The following C10orf143 variants were observed in gnomAD, a reference collection of about 807,000 sequenced individuals.
C10orf143 encodes the protein uncharacterized protein C10orf143.
At chr10:130,062,382 C>T (rs951109119), downstream of C10orf143, among the ~76,000 whole-genome samples, 5 of 152,108 alleles carry the variant, frequency 3.3e-5, no homozygotes, top group African/African-American at 1.2e-4. Flanking sequence ...GGCGGACTCA[C>T]CCTCAATCTG....
chr10:130,036,357 C>T (rs1438238715), intron 3 of C10orf143, among the ~76,000 whole-genome samples: 2 of 152,184 alleles, frequency 1.3e-5, no homozygotes, highest in African/African-American at 4.8e-5. Context: ...AGACCTCAGG[C>T]CCTCCTGTCA....
chr10:130,048,637 C>T (rs976488660), intron 3 of C10orf143, among the ~76,000 whole-genome samples: 3 of 152,322 alleles, frequency 2.0e-5, no homozygotes, highest in African/African-American at 7.2e-5. Flanking sequence ...GCTACAAAAG[C>T]TCCAGATACT....
intron 1 of C10orf143, chr10:130,106,610 G>T: frequency 7.1e-7 from 1 of 1,408,964 alleles, no homozygotes; most frequent in Non-Finnish European, 1.0e-6. Flanking sequence ...ACAAGTAGCT[G>T]AAGCCAAAAT....
At chr10:130,046,620 C>G (rs1251950382) in intron 3 of C10orf143, among the ~76,000 whole-genome samples, 1 of 152,312 alleles carries the variant, frequency 6.6e-6, no homozygotes, top group East Asian at 1.9e-4. Context: ...GTGGTGGTCT[C>G]TCCGGGGAAA....
intron 1 of C10orf143, among the ~76,000 whole-genome samples, chr10:130,092,165 GA>G (rs1223675068): frequency 1.3e-5 from 2 of 152,218 alleles, no homozygotes; most frequent in African/African-American, 4.8e-5. Flanking sequence ...CAGCCAGAGA[GA>G]AAGGTTGGGT....
chr10:130,092,272 A>G (rs1861394695), intron 1 of C10orf143, among the ~76,000 whole-genome samples: 3 of 152,198 alleles, frequency 2.0e-5, no homozygotes. Flanking sequence ...AACATTCTTA[A>G]AGAAAAGAAT....
In C10orf143 at chr10:130,056,183, T is replaced by G. The variant is rs1347503896; in HGVS notation, c.298-20213A>C. ...AATCTTGTTTGTCCTGATTTAGGGC[T>G]GAAAACATCACCGTGTATTTAGTAA... On this transcript the variant is annotated intron_variant and NMD_transcript_variant, in intron 3 of 5. Coordinates refer to the C10orf143 transcript ENST00000643056. This position sits in a 1 kb window ranked among gnomAD's most constrained non-coding sequence, Gnocchi z 4.6. 1.3e-5 allele frequency among the ~76,000 whole-genome samples: 2 copies of G among 152,190 alleles called. No individual in the cohort carries two copies. The highest frequency in any genetic ancestry group is 4.8e-5 in the African/African-American group (2 of 41,434).
chr10:130,099,171 G>A (rs887069831), intron 1 of C10orf143, among the ~76,000 whole-genome samples: 1 of 151,968 alleles, frequency 6.6e-6, no homozygotes, highest in African/African-American at 2.4e-5. Flanking sequence ...AACCAAAGAT[G>A]AATTATCATT....
chr10:130,103,047 C>G (rs1250873587), intron 1 of C10orf143, among the ~76,000 whole-genome samples: 1 of 151,398 alleles, frequency 6.6e-6, no homozygotes, highest in African/African-American at 2.4e-5. Flanking sequence ...GGTGCGATCT[C>G]GGCTCACTGC....
intron 3 of C10orf143, among the ~76,000 whole-genome samples, chr10:130,044,533 G>A (rs775450717): frequency 1.6e-4 from 24 of 152,206 alleles, no homozygotes; most frequent in Non-Finnish European, 3.4e-4. Flanking sequence ...GAGGAAGGGG[G>A]TTTCATTGAG....
chr10:130,098,015 C>CT (rs1861489367), intron 1 of C10orf143, among the ~76,000 whole-genome samples: 1 of 96,378 alleles, frequency 1.0e-5, no homozygotes, highest in South Asian at 3.1e-4. Flanking sequence ...TAATTACACA[C>CT]TTAAAAAAAA....
rs558879838 is a variant in C10orf143 at position 130,102,880 on chromosome 10, T to C, written c.69+7824A>G. 1.2e-4 allele frequency among the ~76,000 whole-genome samples: 18 copies of C among 152,330 alleles called. No individual in the cohort carries two copies. The East Asian group carries it at 3.3e-3, about 28-fold the overall frequency. ...TAATATAGCAACTCCACCTTTCTTC[T>C]GGTCAGTGTTAGCGTGATTTTTTTT... On this transcript the variant is annotated intron_variant, in intron 1 of 3. Coordinates refer to ENST00000637128, the MANE Select transcript of C10orf143 (RefSeq NM_001355042.2).
At chr10:130,053,462 T>C (rs1347676369) in intron 3 of C10orf143, among the ~76,000 whole-genome samples, 2 of 152,198 alleles carry the variant, frequency 1.3e-5, no homozygotes, top group Admixed American at 1.3e-4. Context: ...AAAACTGTTA[T>C]TCATTAAGGT....
intron 3 of C10orf143, chr10:130,066,948 T>C (rs1276820046): frequency 6.6e-6 from 1 of 152,210 alleles, no homozygotes; most frequent in African/African-American, 2.4e-5. Flanking sequence ...AAAAGTGATT[T>C]GATCAGCAAT....
chr10:130,039,482 T>C (rs1313100743), intron 3 of C10orf143, among the ~76,000 whole-genome samples: 1 of 152,066 alleles, frequency 6.6e-6, no homozygotes, highest in Non-Finnish European at 1.5e-5. Flanking sequence ...AAACGTGCCC[T>C]CCTCATCTTC....
intron 3 of C10orf143, among the ~76,000 whole-genome samples, chr10:130,055,139 C>G (rs1393964228): frequency 6.6e-6 from 1 of 151,690 alleles, no homozygotes; most frequent in Non-Finnish European, 1.5e-5. Flanking sequence ...GCCTAGCAAA[C>G]AAACAGAAAA....
intron 3 of C10orf143, among the ~76,000 whole-genome samples, chr10:130,075,497 G>A (rs139509465): frequency 1.5e-4 from 23 of 152,266 alleles, no homozygotes; most frequent in Non-Finnish European, 2.9e-4. Flanking sequence ...TAGCTGATTA[G>A]CGCTGGTAAG....
At chr10:130,089,217 G>C (rs1387391494) in intron 1 of C10orf143, among the ~76,000 whole-genome samples, 1 of 152,196 alleles carries the variant, frequency 6.6e-6, no homozygotes, top group Non-Finnish European at 1.5e-5. Flanking sequence ...TGGACTTGTT[G>C]AGGATTAATT....
intron 4 of C10orf143, among the ~76,000 whole-genome samples, chr10:130,035,547 G>A (rs1023612464): frequency 1.3e-5 from 2 of 152,172 alleles, no homozygotes; most frequent in Admixed American, 6.5e-5. Context: ...CCTATGTTGT[G>A]GGGCATTCAG....
Sources: allele counts gnomAD v4.1 joint callset (sites outside exome capture counted in the v4.1 genomes callset), GRCh38; gene constraint gnomAD v4.1.1; non-coding constraint Gnocchi (gnomAD v3.1); transcripts MANE v1.5; gene names NCBI Gene and HGNC (gene_info 2026-07-23, HGNC 2026-07-21).